The following CDKN2B-AS1 variants were observed in gnomAD, a reference collection of about 807,000 sequenced individuals.
CDKN2B-AS1 encodes the protein CDKN2B antisense RNA 1 (non-protein coding).
chr9:22,038,875 T>C (rs1304037825), intron 1 of CDKN2B-AS1, among the ~76,000 whole-genome samples: 2 of 152,068 alleles, frequency 1.3e-5, no homozygotes, highest in East Asian at 1.9e-4. Flanking sequence ...ACAAGCAATA[T>C]CTGGTATAGT....
chr9:22,115,416 C>T (rs1417364616), intron 4 of CDKN2B-AS1, among the ~76,000 whole-genome samples: 1 of 152,112 alleles, frequency 6.6e-6, no homozygotes, highest in Admixed American at 6.6e-5. Context: ...CCAGGGTCTC[C>T]CCTCTCAGAA....
At chr9:22,085,171 A>C (rs1824825927) in intron 4 of CDKN2B-AS1, among the ~76,000 whole-genome samples, 1 of 152,200 alleles carries the variant, frequency 6.6e-6, no homozygotes, top group Admixed American at 6.5e-5. Context: ...TACATTTCCA[A>C]TACTTGGGTT....
At chr9:22,110,690 T>C (rs1825784227) in intron 4 of CDKN2B-AS1, among the ~76,000 whole-genome samples, 1 of 152,070 alleles carries the variant, frequency 6.6e-6, no homozygotes, top group African/African-American at 2.4e-5. Flanking sequence ...TATAGAAGAA[T>C]TAAAATTCAA....
Position 22,006,217 on chromosome 9 carries a change from C to T in CDKN2B-AS1, n.29+11056C>T, listed in dbSNP as rs777125202. The T allele has an allele frequency of 6.2e-7, 1 of 1,607,802 alleles. No individual in the cohort carries two copies. The highest frequency in any genetic ancestry group is 8.5e-7 in the Non-Finnish European group (1 of 1,179,894). ...TCCGCGCCGTGGAGCAGCAGCAGCT[C>T]CGCCACGCGGGCGCTGCCCATCATC... On this transcript the variant is annotated intron_variant and non_coding_transcript_variant, in intron 1 of 4. Coordinates refer to ENST00000650946, the Ensembl canonical transcript of CDKN2B-AS1. This position sits in a 1 kb window ranked among gnomAD's most constrained non-coding sequence, Gnocchi z 6.4.
intron 4 of CDKN2B-AS1, among the ~76,000 whole-genome samples, chr9:22,086,371 G>A (rs934577602): frequency 1.3e-5 from 2 of 152,162 alleles, no homozygotes; most frequent in African/African-American, 4.8e-5. Context: ...CAAGTAACTT[G>A]AGAAAGGTGA....
intron 1 of CDKN2B-AS1, among the ~76,000 whole-genome samples, chr9:22,016,107 C>G (rs1821743290): frequency 6.6e-6 from 1 of 152,022 alleles, no homozygotes; most frequent in Non-Finnish European, 1.5e-5. Context: ...TAATTAGATC[C>G]CATTTGTCAA....
At chr9:22,084,976 A>G in intron 4 of CDKN2B-AS1, among the ~76,000 whole-genome samples, 1 of 152,196 alleles carries the variant, frequency 6.6e-6, no homozygotes, top group East Asian at 1.9e-4. Context: ...GAACACCCAG[A>G]CGACAACTCA....
At chr9:22,121,961 G>A (rs1285098800) in intron 4 of CDKN2B-AS1, among the ~76,000 whole-genome samples, 1 of 151,900 alleles carries the variant, frequency 6.6e-6, no homozygotes, top group Non-Finnish European at 1.5e-5. Context: ...GTTTTTTGAG[G>A]AACCTCCATT....
intron 1 of CDKN2B-AS1, chr9:22,012,022 A>G (rs1305269122): frequency 1.1e-5 from 6 of 533,504 alleles, no homozygotes; most frequent in Admixed American, 3.3e-5. Context: ...GTTGCACATA[A>G]CTCAGATCAC....
chr9:22,058,435 C>G (rs763993506), intron 4 of CDKN2B-AS1: 1 of 152,172 alleles, frequency 6.6e-6, no homozygotes, highest in Non-Finnish European at 1.5e-5. Context: ...TAACACAGGA[C>G]AAATGGAATT....
At chr9:22,025,846 C>T (rs1021094223) in intron 1 of CDKN2B-AS1, among the ~76,000 whole-genome samples, 2 of 152,192 alleles carry the variant, frequency 1.3e-5, no homozygotes, top group African/African-American at 4.8e-5. Flanking sequence ...GCCCCATTTT[C>T]ATAGAGGAGT....
Position 21,997,046 on chromosome 9 carries a change from C to G in CDKN2B-AS1, n.29+1885C>G, listed in dbSNP as rs766203416. ...ACACCGTCATGGGGTTGCTTAACAACAGGGATACATTCTCAGACATGTATC... is the reference window on the plus strand; with the variant it reads ...ACACCGTCATGGGGTTGCTTAACAAGAGGGATACATTCTCAGACATGTATC... On this transcript the variant is annotated intron_variant and non_coding_transcript_variant, in intron 1 of 4. Transcript: ENST00000650946. This position sits in a 1 kb window ranked among gnomAD's most constrained non-coding sequence, Gnocchi z 4.8. Among the ~76,000 whole-genome samples, 11 of 152,128 alleles carry G rather than the reference C, an allele frequency of 7.2e-5. No individual in the cohort carries two copies. The highest frequency in any genetic ancestry group is 1.6e-4 in the Non-Finnish European group (11 of 68,032).
chr9:22,006,194 C>T lies in CDKN2B-AS1; in HGVS notation n.29+11033C>T, dbSNP rs1821177378. 5.0e-6 allele frequency: 8 copies of T among 1,608,920 alleles called. No individual in the cohort carries two copies. Among genetic ancestry groups the T allele is most frequent in the Non-Finnish European group, 6.8e-6 (8 of 1,179,766 alleles). On this transcript the variant is annotated intron_variant and non_coding_transcript_variant, in intron 1 of 4. Coordinates refer to ENST00000650946, the Ensembl canonical transcript of CDKN2B-AS1. The surrounding 1 kb of genome is among the most constrained non-coding windows in gnomAD (Gnocchi z 6.4). ...TGGCAGGGTCTGCGCAGTTGGGCTC[C>T]GCGCCGTGGAGCAGCAGCAGCTCCG...
At chr9:22,090,586 G>A (rs1222776245) in intron 4 of CDKN2B-AS1, among the ~76,000 whole-genome samples, 1 of 152,156 alleles carries the variant, frequency 6.6e-6, no homozygotes, top group Non-Finnish European at 1.5e-5. Context: ...CAGTGATGAT[G>A]AGCAATTTTT....
chr9:21,999,226 T>C lies in CDKN2B-AS1; in HGVS notation n.29+4065T>C, dbSNP rs776171340. On this transcript the variant is annotated intron_variant and non_coding_transcript_variant, in intron 1 of 4. Transcript: ENST00000650946. This position sits in a 1 kb window ranked among gnomAD's most constrained non-coding sequence, Gnocchi z 4.7. ...AAACTGTATGAGAATATAGGTACCC[T>C]TTGACTCAGCTATTCCACTATTTTA... Among the ~76,000 whole-genome samples the C allele has an allele frequency of 5.3e-5, 8 of 151,892 alleles. No individual in the cohort carries two copies. Among genetic ancestry groups the C allele is most frequent in the Non-Finnish European group, 1.2e-4 (8 of 67,946 alleles).
intron 4 of CDKN2B-AS1, among the ~76,000 whole-genome samples, chr9:22,124,708 GA>G (rs1441435760): frequency 6.6e-6 from 1 of 152,102 alleles, no homozygotes. Flanking sequence ...GGCTACTTGG[GA>G]ACAGCGTGGA....
intron 1 of CDKN2B-AS1, among the ~76,000 whole-genome samples, chr9:22,043,931 G>A (rs184455366): frequency 2.0e-4 from 31 of 151,960 alleles, no homozygotes; most frequent in Non-Finnish European, 4.0e-4. Context: ...TCAAGCATGA[G>A]GAATGGCAAA....
intron 4 of CDKN2B-AS1, among the ~76,000 whole-genome samples, chr9:22,126,799 C>T (rs1354941987): frequency 1.3e-5 from 2 of 152,100 alleles, no homozygotes; most frequent in East Asian, 1.9e-4. Flanking sequence ...GCCTGGATCT[C>T]CTGACCTCGT....
intron 1 of CDKN2B-AS1, among the ~76,000 whole-genome samples, chr9:22,037,927 T>C (rs1026833942): frequency 1.3e-5 from 2 of 151,964 alleles, no homozygotes; most frequent in African/African-American, 4.8e-5. Flanking sequence ...TCCTAGAGAA[T>C]AATAATAAAA....
Sources: gnomAD v4.1 joint callset for allele counts (sites outside exome capture counted in the v4.1 genomes callset) on GRCh38, gnomAD v4.1.1 for gene constraint, Gnocchi (gnomAD v3.1) non-coding constraint, MANE v1.5 for transcripts, NCBI Gene and HGNC (gene_info 2026-07-23, HGNC 2026-07-21) for gene names.